C1QTNF3: variants seen among roughly 807,000 people sequenced by gnomAD.
The protein encoded by C1QTNF3 is C1q and TNF related 3.
C1QTNF3 carries 26 observed loss-of-function variants against 32.6 expected under a neutral mutation model. That is an observed-to-expected ratio of 0.80 (90% CI 0.58 to 1.11). The LOEUF (loss-of-function observed/expected upper bound fraction) is 1.11, where lower values mean the gene tolerates loss of function less well. Among genes scored for constraint, C1QTNF3 ranks in the 50% least tolerant of loss-of-function variants. The pLI, the probability that C1QTNF3 is intolerant of heterozygous loss-of-function variation, is 0.00. For synonymous variants in C1QTNF3, 155 were observed against 146.0 expected (o/e 1.06, Z -0.44); for missense variants, 362 against 398.2 (o/e 0.91, Z 0.77).
chr5:34,025,738 AC>A (rs1461836922), intron 4 of C1QTNF3, among the ~76,000 whole-genome samples: 1 of 152,226 alleles, frequency 6.6e-6, no homozygotes, highest in Non-Finnish European at 1.5e-5. Flanking sequence ...TTAAATCCTT[AC>A]TTAGGCTTCA....
chr5:34,131,959 ATAG>A, the C1QTNF3 span, among the ~76,000 whole-genome samples: 3 of 152,344 alleles, frequency 2.0e-5, no homozygotes, highest in Non-Finnish European at 2.9e-5. Context: ...AATAACGGTG[ATAG>A]TAGATTTGTC....
the C1QTNF3 span, among the ~76,000 whole-genome samples, chr5:34,211,592 C>A: frequency 1.5e-5 from 2 of 136,576 alleles, no homozygotes; most frequent in Admixed American, 1.7e-4. Context: ...CTTCCTGTGT[C>A]CACGTGTTCT....
At chr5:34,233,703 T>A in the C1QTNF3 span, among the ~76,000 whole-genome samples, 1,963 of 8,782 alleles carry the variant, frequency 0.22, 51 homozygotes, top group Admixed American at 0.35. Flanking sequence ...AGGACATGCG[T>A]TTTTTTTTTT....
At chr5:34,059,609 T>G in the C1QTNF3 span, among the ~76,000 whole-genome samples, 2 of 152,196 alleles carry the variant, frequency 1.3e-5, no homozygotes, top group Non-Finnish European at 2.9e-5. Flanking sequence ...TAATCCCATT[T>G]ATGAGGGCAA....
the C1QTNF3 span, among the ~76,000 whole-genome samples, chr5:34,073,792 T>C: frequency 5.6e-4 from 85 of 152,100 alleles, 1 homozygote; most frequent in Middle Eastern, 3.4e-3. Context: ...CATTTGAATC[T>C]ATTATATTTT....
chr5:34,033,893 G>T (rs1397104242), intron 2 of C1QTNF3, among the ~76,000 whole-genome samples: 1 of 152,218 alleles, frequency 6.6e-6, no homozygotes, highest in Non-Finnish European at 1.5e-5. Flanking sequence ...CAGGTACAGT[G>T]GCTCACAACT....
the C1QTNF3 span, among the ~76,000 whole-genome samples, chr5:34,052,918 T>G: frequency 3.9e-4 from 60 of 152,328 alleles, no homozygotes; most frequent in South Asian, 3.3e-3. Flanking sequence ...AGTAATTGGC[T>G]GGGACAAATT....
At chr5:34,209,927 G>A in the C1QTNF3 span, among the ~76,000 whole-genome samples, 1 of 151,988 alleles carries the variant, frequency 6.6e-6, no homozygotes, top group South Asian at 2.1e-4. Context: ...AATATGAATT[G>A]CTGCATTTTA....
At chr5:34,101,059 T>G in the C1QTNF3 span, among the ~76,000 whole-genome samples, 1 of 151,394 alleles carries the variant, frequency 6.6e-6, no homozygotes, top group Non-Finnish European at 1.5e-5. Context: ...AATATTATAT[T>G]TTCCCAGAAG....
At chr5:34,027,870 T>A (rs890126179) in intron 4 of C1QTNF3, among the ~76,000 whole-genome samples, 1 of 151,408 alleles carries the variant, frequency 6.6e-6, no homozygotes, top group African/African-American at 2.4e-5. Flanking sequence ...TTCTAAAATA[T>A]ATTGTTAGTT....
At chr5:34,215,663 G>A in the C1QTNF3 span, among the ~76,000 whole-genome samples, 1 of 151,512 alleles carries the variant, frequency 6.6e-6, no homozygotes, top group Non-Finnish European at 1.5e-5. Context: ...TTTACTTTTG[G>A]AGACAGAGTC....
the C1QTNF3 span, among the ~76,000 whole-genome samples, chr5:34,231,153 A>C: frequency 6.6e-6 from 1 of 152,092 alleles, no homozygotes; most frequent in East Asian, 1.9e-4. Flanking sequence ...GTTTCAATAA[A>C]CTTAGTTTTG....
At position 34,018,845 on chromosome 5, in the gene C1QTNF3, G is replaced by A. The variant is rs1030259198; in HGVS notation, c.*1738C>T. 2.6e-5 allele frequency among the ~76,000 whole-genome samples: 4 copies of A among 152,146 alleles called. No individual in the cohort carries two copies. The highest frequency in any genetic ancestry group is 1.3e-4 in the Admixed American group (2 of 15,264). Reference sequence around the variant, plus strand: ...AGTTGTTTTAAGATTTAGAATTTGCGGCTGGGTGCGGGGGCTCACGCCTGT... The same window carrying A: ...AGTTGTTTTAAGATTTAGAATTTGCAGCTGGGTGCGGGGGCTCACGCCTGT... On this transcript the variant is annotated 3_prime_UTR_variant, in exon 6 of 6. Transcript: ENST00000382065.
At chr5:34,109,887 T>G in the C1QTNF3 span, among the ~76,000 whole-genome samples, 1 of 152,296 alleles carries the variant, frequency 6.6e-6, no homozygotes, top group Non-Finnish European at 1.5e-5. Flanking sequence ...TGGCTCCATG[T>G]GGTCTGCACT....
chr5:34,138,661 C>T, the C1QTNF3 span, among the ~76,000 whole-genome samples: 1 of 151,824 alleles, frequency 6.6e-6, no homozygotes, highest in East Asian at 1.9e-4. Flanking sequence ...AATAAAATCA[C>T]CAAAAGAAAA....
At chr5:34,040,255 C>T (rs762721153) in intron 1 of C1QTNF3, among the ~76,000 whole-genome samples, 29 of 152,068 alleles carry the variant, frequency 1.9e-4, no homozygotes, top group Non-Finnish European at 3.5e-4. Flanking sequence ...TTGCAGCATG[C>T]GAGAAAGAGT....
intron 3 of C1QTNF3, among the ~76,000 whole-genome samples, chr5:34,030,374 AG>A (rs1268665345): frequency 6.6e-6 from 1 of 152,204 alleles, no homozygotes; most frequent in African/African-American, 2.4e-5. Context: ...TTTGGGAATA[AG>A]GCTGTCTATT....
the C1QTNF3 span, among the ~76,000 whole-genome samples, chr5:34,057,032 T>C: frequency 5.3e-5 from 8 of 152,324 alleles, 1 homozygote; most frequent in South Asian, 8.3e-4. Flanking sequence ...AGAACACTTA[T>C]TAATAATGTT....
chr5:34,117,378 T>C, the C1QTNF3 span, among the ~76,000 whole-genome samples: 1 of 152,206 alleles, frequency 6.6e-6, no homozygotes, highest in Admixed American at 6.5e-5. Context: ...TTTATTTCTG[T>C]AGAGCTTAAT....
Sources: gnomAD v4.1 joint callset for allele counts (sites outside exome capture counted in the v4.1 genomes callset) on GRCh38, gnomAD v4.1.1 for gene constraint, MANE v1.5 for transcripts, NCBI Gene and HGNC (gene_info 2026-07-23, HGNC 2026-07-21) for gene names.